EFS: variants seen among roughly 807,000 people sequenced by gnomAD.
EFS encodes the protein embryonal Fyn-associated substrate, also known as Cas scaffolding protein family member 3.
A neutral mutation model predicts 42.2 loss-of-function variants in EFS; 34 were observed. The ratio of observed to expected loss-of-function variants is 0.81; its 90% CI spans 0.61 to 1.07. EFS has a LOEUF of 1.07. EFS is among the 50% of genes least tolerant of loss of function. The pLI is 0.00. For synonymous variants in EFS, 299 were observed against 320.7 expected, an observed-to-expected ratio of 0.93 and a Z score of 0.72; for missense variants, 717 against 729.4, an observed-to-expected ratio of 0.98 and a Z score of 0.20.
At position 23,365,015 on chromosome 14, in the gene EFS, G is replaced by A. The variant is rs868504073; in HGVS notation, c.11C>T (p.Ala4Val). The A allele has an allele frequency of 1.5e-6, 2 of 1,341,928 alleles. No homozygotes were observed. The highest frequency in any genetic ancestry group is 2.4e-5 in the South Asian group (1 of 41,588). 83.1% of individuals were successfully genotyped at this position (1,341,928 alleles called of 1,614,324 possible). The stretch of plus-strand genomic sequence containing the variant: ...ACTCCCTGGTGGACTCACCGACGTG[G>A]CAATGGCCATGGCTTTGGCCTCCCG... MAI[A>V]TSTQLARALY... The change falls in exon 1 of 6, where the codon GCC (alanine) becomes GTC (valine). Residue 4 changes from alanine to valine, a missense_variant. Coordinates refer to ENST00000216733, the MANE Select transcript of EFS (RefSeq NM_005864.4). The surrounding 1 kb of genome is among the most constrained non-coding windows in gnomAD (Gnocchi z 5.3).
In EFS at chr14:23,360,265, G is replaced by A; in HGVS notation, c.314C>T (p.Pro105Leu). ...TGAGGTTGGACAGGGCCGAGCTGGG[G>A]GCGGCACCACATACACCTGAGGGAT... is the stretch of plus-strand genomic sequence containing the variant. The part of the protein sequence containing the change: ...NEDQEVYVVP[P>L]PARPCPTSGP... Residue 105 changes from proline (P) to leucine (L), a missense_variant, in exon 3 of 6, where the codon CCC (proline) becomes CTC (leucine). Coordinates refer to ENST00000216733, the MANE Select transcript of EFS (RefSeq NM_005864.4). 6.2e-7 allele frequency: 1 copy of A among 1,612,984 alleles called. No homozygotes were observed. Among genetic ancestry groups the A allele is most frequent in the Non-Finnish European group, 8.5e-7 (1 of 1,179,460 alleles).
intron 1 of EFS, among the ~76,000 whole-genome samples, chr14:23,364,675 G>C (rs1890261643): frequency 6.6e-6 from 1 of 152,032 alleles, no homozygotes. Context: ...ACAAGCCTCT[G>C]CCAACCACCA....
At chr14:23,364,784 A>G (rs1352887629) in intron 1 of EFS, among the ~76,000 whole-genome samples, 2 of 151,894 alleles carry the variant, frequency 1.3e-5, no homozygotes, top group African/African-American at 4.8e-5. Flanking sequence ...AAAAAGGAGA[A>G]TGGGGAGGGG....
intron 1 of EFS, among the ~76,000 whole-genome samples, chr14:23,361,908 A>G (rs1010247052): frequency 3.3e-5 from 5 of 152,244 alleles, no homozygotes; most frequent in Non-Finnish European, 5.9e-5. Flanking sequence ...CTGATGCCAT[A>G]TCGCTGGCAC....
rs1595027428 is a variant in EFS at position 23,360,385 on chromosome 14, G to T, written c.298-104C>A. ...GAGACCTTCTAACTCTCCCTGTATCGAGAGGGCCACAGCTCAGAAAGGTTG... is the reference window on the plus strand; with the variant it reads ...GAGACCTTCTAACTCTCCCTGTATCTAGAGGGCCACAGCTCAGAAAGGTTG... On this transcript the variant is annotated intron_variant, in intron 2 of 5. Coordinates refer to ENST00000216733, the MANE Select transcript of EFS (RefSeq NM_005864.4). 9 of 1,506,788 alleles carry T rather than the reference G, an allele frequency of 6.0e-6. 1 individual carries two copies. The highest frequency in any genetic ancestry group is 3.9e-5 in the South Asian group (3 of 76,000). The allele number at this position is 1,506,788 out of a possible 1,614,324, so 93.3% of individuals were successfully genotyped here. A position where few individuals can be genotyped will look rare whatever the true frequency, so the allele number is the denominator to read the frequency against.
chr14:23,363,722 G>A (rs1890228368), intron 1 of EFS, among the ~76,000 whole-genome samples: 1 of 152,142 alleles, frequency 6.6e-6, no homozygotes, highest in Non-Finnish European at 1.5e-5. Flanking sequence ...TGGATTGTTT[G>A]AGCCCAGGAG....
chr14:23,358,512 T>G (rs73604524), intron 5 of EFS, among the ~76,000 whole-genome samples: 1 of 152,166 alleles, frequency 6.6e-6, no homozygotes, highest in Non-Finnish European at 1.5e-5. Flanking sequence ...TTCTCAGTAG[T>G]GAAGCTGGGA....
chr14:23,363,787 A>G (rs1890231339), intron 1 of EFS, among the ~76,000 whole-genome samples: 1 of 152,000 alleles, frequency 6.6e-6, no homozygotes, highest in Non-Finnish European at 1.5e-5. Flanking sequence ...AAAATACAAA[A>G]AGCTGATGTG....
intron 5 of EFS, 135 bp downstream of exon 5, chr14:23,358,741 T>C: frequency 1.4e-6 from 1 of 727,284 alleles, no homozygotes; most frequent in Non-Finnish European, 2.1e-6. Flanking sequence ...TTGCCTCCGC[T>C]CTGTCCCTGG....
chr14:23,364,971 T>C, intron 1 of EFS, 37 bp downstream of exon 1: 2 of 1,277,042 alleles, frequency 1.6e-6, no homozygotes, highest in South Asian at 3.2e-5. Flanking sequence ...GCCGTGGAGG[T>C]CTCTCCCCGG....
chr14:23,360,874 C>G, intron 1 of EFS, 41 bp from the exon 2 acceptor site: 2 of 1,566,122 alleles, frequency 1.3e-6, no homozygotes, highest in South Asian at 2.4e-5. Flanking sequence ...GTCTTCAGAC[C>G]CCTTTCAGGT....
rs1595031888 is a variant in EFS at position 23,365,150 on chromosome 14, G to T, written c.-125C>A. ...CTGTGGCGCCTGAGTCGTGGCCTCC[G>T]CCAAGGTTGGAGGAGGAGAAAGAAA... is the stretch of plus-strand genomic sequence containing the variant. On this transcript the variant is annotated 5_prime_UTR_variant, in exon 1 of 6. Coordinates refer to ENST00000216733, the MANE Select transcript of EFS (RefSeq NM_005864.4). This position sits in a 1 kb window ranked among gnomAD's most constrained non-coding sequence, Gnocchi z 5.3. 3.4e-6 allele frequency: 3 copies of T among 879,156 alleles called. No homozygotes were observed. The highest frequency in any genetic ancestry group is 4.6e-6 in the Non-Finnish European group (3 of 653,984). The allele number at this position is 879,156 out of a possible 1,614,324, so 54.5% of individuals were successfully genotyped here. A position where few individuals can be genotyped will look rare whatever the true frequency, so the allele number is the denominator to read the frequency against.
intron 4 of EFS, among the ~76,000 whole-genome samples, 173 bp downstream of exon 4, chr14:23,359,144 G>C: frequency 6.6e-6 from 1 of 152,222 alleles, no homozygotes; most frequent in East Asian, 1.9e-4. Flanking sequence ...AGGAGGAACA[G>C]TGTGGCACTG....
Position 23,360,544 on chromosome 14 carries a change from C to G in EFS, c.297+11G>C. The stretch of plus-strand genomic sequence containing the variant: ...CTTCTGGCTTGGGGTTGGGGAGGCT[C>G]CCACTCTCACCTCCTGGTCCTCATT... On this transcript the variant is annotated intron_variant, in intron 2 of 5. Transcript: ENST00000216733. 6.5e-7 allele frequency: 1 copy of G among 1,527,624 alleles called. No homozygotes were observed. The highest frequency in any genetic ancestry group is 8.8e-7 in the Non-Finnish European group (1 of 1,137,672). The allele number at this position is 1,527,624 out of a possible 1,614,324, so 94.6% of individuals were successfully genotyped here.
chr14:23,359,215 G>T, intron 4 of EFS, 102 bp downstream of exon 4: 2 of 1,554,430 alleles, frequency 1.3e-6, no homozygotes, highest in Non-Finnish European at 8.8e-7. Context: ...AAGGGGGACA[G>T]AAGGGAGGCA....
At position 23,360,448 on chromosome 14, in the gene EFS, T is replaced by A. The variant is rs908614321; in HGVS notation, c.297+107A>T. On this transcript the variant is annotated intron_variant, in intron 2 of 5. Transcript: ENST00000216733. ...CGTCCAGCGCAGAGCAGTGAAGAGC[T>A]GTGGCCTCAGGGCTCTTCCTGCCCA... 9.4e-6 allele frequency: 14 copies of A among 1,487,884 alleles called. No individual in the cohort carries two copies. The Admixed American group carries it at 1.1e-4, about 12-fold the overall frequency. The allele number at this position is 1,487,884 out of a possible 1,614,324, so 92.2% of individuals were successfully genotyped here.
rs1416438033 is a variant in EFS at position 23,359,908 on chromosome 14, C to A, written c.570G>T (p.Val190=). 6.5e-7 allele frequency: 1 copy of A among 1,539,030 alleles called. No individual in the cohort carries two copies. Among genetic ancestry groups the A allele is most frequent in the Non-Finnish European group, 8.7e-7 (1 of 1,144,708 alleles). Residue 190 remains valine (V), a synonymous_variant, in exon 4 of 6, where the codon GTG becomes GTT. Transcript: ENST00000216733. ...PPGEDDAPYD[V]PLTPKPPAEL... ...CTGCAGGTGGCTTTGGGGTCAGAGG[C>A]ACATCATAGGGAGCATCATCCTCTC... is the stretch of plus-strand genomic sequence containing the variant.
At position 23,359,335 on chromosome 14, in the gene EFS, A is replaced by T. The variant is rs916401512; in HGVS notation, c.1143T>A (p.Tyr381Ter). Residue 381 changes from tyrosine (Y) to a stop codon, truncating the protein, a stop_gained, in exon 4 of 6, where the codon TAT becomes TAA. Coordinates refer to ENST00000216733, the MANE Select transcript of EFS (RefSeq NM_005864.4). LOFTEE classifies it high-confidence loss of function. Reference sequence around the variant, plus strand: ...CGCTCACCTTCAGGTGGACATAGTCATACTCCTCGGCCATCGGAATGCCCT... The same window carrying T: ...CGCTCACCTTCAGGTGGACATAGTCTTACTCCTCGGCCATCGGAATGCCCT... ...EYEGIPMAEEYDYVHLKGMDK... is the reference protein window; with the variant it reads ...EYEGIPMAEE 3.1e-6 allele frequency: 5 copies of T among 1,612,926 alleles called. No homozygotes were observed. The highest frequency in any genetic ancestry group is 1.3e-5 in the African/African-American group (1 of 74,882).
rs779253461 is a variant in EFS at position 23,357,509 on chromosome 14, C to T, written c.1403G>A (p.Arg468His). 1.4e-4 allele frequency: 230 copies of T among 1,613,802 alleles called. 3 individuals carry two copies. The South Asian group carries it at 2.4e-3, about 17-fold the overall frequency. The change falls in exon 6 of 6, where the codon CGC becomes CAC. Residue 468 changes from arginine to histidine, a missense_variant. Coordinates refer to ENST00000216733, the MANE Select transcript of EFS (RefSeq NM_005864.4). ...CCTCTTGCTGTGGGGCACGAAAAGG[C>T]GCGGGGGCTGATTAGCCTGGGTACT... is the stretch of plus-strand genomic sequence containing the variant. ...MSSTQANQPP[R>H]LFVPHSKRVV...
Sources: gnomAD v4.1 joint callset for allele counts (sites outside exome capture counted in the v4.1 genomes callset) on GRCh38, gnomAD v4.1.1 for gene constraint, Gnocchi (gnomAD v3.1) non-coding constraint, MANE v1.5 for transcripts, NCBI Gene and HGNC (gene_info 2026-07-23, HGNC 2026-07-21) for gene names.